The following RNF180 variants were observed in gnomAD, a reference collection of about 807,000 sequenced individuals.
The protein encoded by RNF180 is E3 ubiquitin-protein ligase RNF180.
A neutral mutation model predicts 59.2 loss-of-function variants in RNF180; 38 were observed. The observed-to-expected ratio is 0.64, with a 90% CI of 0.50 to 0.84. The LOEUF (loss-of-function observed/expected upper bound fraction) is 0.84, where lower values mean the gene tolerates loss of function less well. Ranked by LOEUF, RNF180 falls within the 40% of genes least tolerant of loss-of-function variation. The probability of loss-of-function intolerance (pLI) is 0.00; values close to 1 mark genes in which losing one functional copy is unlikely to be tolerated. For missense variants in RNF180, 705 were observed against 700.9 expected (o/e 1.01, Z -0.07); for synonymous variants, 262 against 240.3 (o/e 1.09, Z -0.84).
chr5:64,279,994 G>A (rs1471925518), intron 5 of RNF180, among the ~76,000 whole-genome samples: 2 of 152,208 alleles, frequency 1.3e-5, no homozygotes, highest in Non-Finnish European at 2.9e-5. Flanking sequence ...GTAGGAGGCT[G>A]AGGCAGGAGA....
At chr5:64,270,048 C>CACA (rs1554038283) in intron 5 of RNF180, among the ~76,000 whole-genome samples, 2 of 149,506 alleles carry the variant, frequency 1.3e-5, no homozygotes, top group Admixed American at 6.7e-5. Context: ...CACACACACA[C>CACA]AAAAGCCTTT....
At chr5:64,302,935 G>A (rs947124496) in intron 5 of RNF180, among the ~76,000 whole-genome samples, 1 of 151,608 alleles carries the variant, frequency 6.6e-6, no homozygotes, top group African/African-American at 2.4e-5. Context: ...TAGATACTGT[G>A]TTTTTAACAA....
At chr5:64,215,606 T>C (rs1752579591) in intron 4 of RNF180, among the ~76,000 whole-genome samples, 1 of 152,134 alleles carries the variant, frequency 6.6e-6, no homozygotes, top group South Asian at 2.1e-4. Context: ...TTACAGAATG[T>C]AAAAAATGAA....
intron 7 of RNF180, among the ~76,000 whole-genome samples, chr5:64,365,979 G>T (rs1247744465): frequency 6.6e-6 from 1 of 151,116 alleles, no homozygotes; most frequent in East Asian, 2.0e-4. Flanking sequence ...TACATTCAAG[G>T]TTAATATTGA....
chr5:64,333,379 C>T (rs1385343065), intron 7 of RNF180, among the ~76,000 whole-genome samples: 2 of 151,652 alleles, frequency 1.3e-5, no homozygotes, highest in Non-Finnish European at 2.9e-5. Flanking sequence ...GTTGGCCAGG[C>T]TGGTCTTGAA....
At chr5:64,316,222 A>T (rs1190942038) in intron 5 of RNF180, among the ~76,000 whole-genome samples, 1 of 152,150 alleles carries the variant, frequency 6.6e-6, no homozygotes, top group Non-Finnish European at 1.5e-5. Flanking sequence ...TAGTATTATT[A>T]TGAGAATACT....
intron 5 of RNF180, among the ~76,000 whole-genome samples, chr5:64,267,417 ATG>A (rs1415212691): frequency 1.3e-5 from 2 of 151,950 alleles, no homozygotes; most frequent in African/African-American, 4.8e-5. Context: ...TTAGTTACAT[ATG>A]TATACATGTG....
intron 7 of RNF180, among the ~76,000 whole-genome samples, chr5:64,342,112 A>G (rs1191347717): frequency 6.6e-6 from 1 of 152,150 alleles, no homozygotes; most frequent in African/African-American, 2.4e-5. Context: ...TCTGGCAACA[A>G]CAGGAGTGGG....
intron 2 of RNF180, 84 bp downstream of exon 2, chr5:64,201,026 C>A: frequency 9.9e-7 from 1 of 1,008,100 alleles, no homozygotes; most frequent in Non-Finnish European, 1.4e-6. Context: ...TTATTCTTCT[C>A]TACCTTATTA....
intron 5 of RNF180, among the ~76,000 whole-genome samples, chr5:64,294,267 A>G (rs1242376426): frequency 6.6e-6 from 1 of 152,224 alleles, no homozygotes; most frequent in Non-Finnish European, 1.5e-5. Flanking sequence ...AAAAGGGTAA[A>G]TGCTTGAGGG....
chr5:64,268,011 G>A (rs1261749435), intron 5 of RNF180, among the ~76,000 whole-genome samples: 3 of 152,110 alleles, frequency 2.0e-5, no homozygotes, highest in African/African-American at 4.8e-5. Flanking sequence ...CAAGTTCATA[G>A]AACACCTCTC....
chr5:64,319,875 G>A (rs959255545), intron 5 of RNF180, among the ~76,000 whole-genome samples: 2 of 152,202 alleles, frequency 1.3e-5, no homozygotes, highest in East Asian at 1.9e-4. Context: ...GATTTGGCAG[G>A]TGCCATAAGA....
chr5:64,353,047 A>G (rs1745879597), intron 7 of RNF180, among the ~76,000 whole-genome samples: 1 of 151,886 alleles, frequency 6.6e-6, no homozygotes, highest in African/African-American at 2.4e-5. Flanking sequence ...GACAAAATAT[A>G]AATTTGTAAT....
intron 2 of RNF180, among the ~76,000 whole-genome samples, chr5:64,203,668 TACAC>T (rs550825548): frequency 6.6e-6 from 1 of 151,994 alleles, no homozygotes; most frequent in South Asian, 2.1e-4. Context: ...ATATATAAAA[TACAC>T]ACAAATTATT....
chr5:64,331,945 G>T (rs866657932), intron 7 of RNF180, among the ~76,000 whole-genome samples: 17 of 152,048 alleles, frequency 1.1e-4, no homozygotes, highest in African/African-American at 3.4e-4. Context: ...GAAGCCGCAT[G>T]AAGTATATCT....
intron 1 of RNF180, among the ~76,000 whole-genome samples, chr5:64,167,457 T>G (rs1380777326): frequency 6.6e-6 from 1 of 152,112 alleles, no homozygotes; most frequent in African/African-American, 2.4e-5. Context: ...AAGTGAAGAT[T>G]TTTTCTTCGA....
chr5:64,168,227 C>A (rs1749751865), intron 1 of RNF180, among the ~76,000 whole-genome samples: 1 of 152,104 alleles, frequency 6.6e-6, no homozygotes, highest in Non-Finnish European at 1.5e-5. Flanking sequence ...TACCTATTTT[C>A]TTTGCTAAAT....
chr5:64,277,469 G>T (rs569153297), intron 5 of RNF180, among the ~76,000 whole-genome samples: 2 of 152,260 alleles, frequency 1.3e-5, no homozygotes, highest in African/African-American at 4.8e-5. Flanking sequence ...TGTGAGCCAA[G>T]GAAAGGTATG....
chr5:64,291,973 C>T (rs183631005), intron 5 of RNF180, among the ~76,000 whole-genome samples: 4 of 152,166 alleles, frequency 2.6e-5, no homozygotes, highest in African/African-American at 9.6e-5. Flanking sequence ...GTTTTTTTAG[C>T]TCCATCAGGT....
Sources: allele counts gnomAD v4.1 joint callset (sites outside exome capture counted in the v4.1 genomes callset), GRCh38; gene constraint gnomAD v4.1.1; transcripts MANE v1.5; gene names NCBI Gene and HGNC (gene_info 2026-07-23, HGNC 2026-07-21).